AKAIN1: variants seen among roughly 807,000 people sequenced by gnomAD.
AKAIN1 encodes the protein A-kinase anchor protein inhibitor 1.
In AKAIN1, 3 loss-of-function variants were observed where a neutral mutation model predicts 3.7. The observed-to-expected ratio is 0.82, with a 90% CI of 0.37 to 2.12. The LOEUF is 2.12. AKAIN1 is among the 30% of genes most tolerant of loss of function. The pLI is 0.06. For missense variants in AKAIN1, 82 were observed against 82.7 expected, an observed-to-expected ratio of 0.99 and a Z score of 0.03; for synonymous variants, 31 against 30.8, an observed-to-expected ratio of 1.01 and a Z score of -0.02.
Position 5,192,441 on chromosome 18 carries a change from C to CTTTCT in AKAIN1, c.16+4592_16+4596dup, listed in dbSNP as rs1555611455. 3.3e-3 allele frequency among the ~76,000 whole-genome samples: 340 copies of CTTTCT among 101,504 alleles called. 7 individuals are homozygous for CTTTCT. In the East Asian group the frequency reaches 0.042, roughly 13 times the overall value. 66.6% of individuals were successfully genotyped at this position (101,504 alleles called of 152,430 possible). A position where few individuals can be genotyped will look rare whatever the true frequency, so the allele number is the denominator to read the frequency against. On this transcript the variant is annotated intron_variant, in intron 1 of 1. Coordinates refer to ENST00000434239, the MANE Select transcript of AKAIN1 (RefSeq NM_001145194.2). The stretch of plus-strand genomic sequence containing the variant: ...TCTTTCTTTCTTTCTTTCTTTCTTT[C>CTTTCT]TTTCTTTTTCTTTTCTTTGGTAGAG...
chr18:5,154,216 TAA>T (rs1310838968), intron 1 of AKAIN1, among the ~76,000 whole-genome samples: 1 of 152,114 alleles, frequency 6.6e-6, no homozygotes, highest in African/African-American at 2.4e-5. Flanking sequence ...TGGGCTACAT[TAA>T]AATAATTGGT....
At chr18:5,195,130 C>A (rs1211375640) in intron 1 of AKAIN1, among the ~76,000 whole-genome samples, 1 of 141,054 alleles carries the variant, frequency 7.1e-6, no homozygotes, top group African/African-American at 2.6e-5. Flanking sequence ...AAGAGAACCC[C>A]AAAATTGAAG....
At chr18:5,161,347 G>A (rs365266) in intron 1 of AKAIN1, among the ~76,000 whole-genome samples, 89,782 of 151,802 alleles carry the variant, frequency 0.59, 27,239 homozygotes, top group African/African-American at 0.73. Flanking sequence ...TATTGTTAAT[G>A]TATAGAAATG....
chr18:5,187,237 C>T (rs1201711458), intron 1 of AKAIN1, among the ~76,000 whole-genome samples: 1 of 152,014 alleles, frequency 6.6e-6, no homozygotes, highest in Non-Finnish European at 1.5e-5. Flanking sequence ...ATCAATGAAA[C>T]TAAGAGATGT....
At chr18:5,192,537 G>A (rs2071327716) in intron 1 of AKAIN1, among the ~76,000 whole-genome samples, 3 of 151,764 alleles carry the variant, frequency 2.0e-5, no homozygotes, top group Non-Finnish European at 4.4e-5. Context: ...AAGTATTGGG[G>A]TTACAGAAGG....
At chr18:5,163,088 A>G (rs1598308288) in intron 1 of AKAIN1, among the ~76,000 whole-genome samples, 2 of 152,014 alleles carry the variant, frequency 1.3e-5, no homozygotes, top group Non-Finnish European at 2.9e-5. Flanking sequence ...CTGTTCTTCA[A>G]TGCTAACTTC....
intron 1 of AKAIN1, among the ~76,000 whole-genome samples, chr18:5,188,306 C>T (rs1456586369): frequency 6.6e-6 from 1 of 152,012 alleles, no homozygotes; most frequent in Non-Finnish European, 1.5e-5. Flanking sequence ...GGCCTCACTT[C>T]CATGGATCCA....
chr18:5,188,498 C>T (rs2071300348), intron 1 of AKAIN1, among the ~76,000 whole-genome samples: 2 of 151,996 alleles, frequency 1.3e-5, no homozygotes, highest in South Asian at 4.2e-4. Flanking sequence ...TGCAACTCTT[C>T]TCTGTGCCAC....
At chr18:5,196,026 TAA>T (rs141609064) in intron 1 of AKAIN1, among the ~76,000 whole-genome samples, 2 of 151,070 alleles carry the variant, frequency 1.3e-5, no homozygotes, top group East Asian at 1.9e-4. Flanking sequence ...TTCTTCCCTT[TAA>T]AAAAAAATGC....
chr18:5,163,987 T>C (rs1023566547), intron 1 of AKAIN1, among the ~76,000 whole-genome samples: 2 of 152,060 alleles, frequency 1.3e-5, no homozygotes, highest in Admixed American at 1.3e-4. Context: ...ATTATGCCTT[T>C]GTAGAAAACT....
Position 5,165,315 on chromosome 18 carries a change from T to C in AKAIN1, c.17-19560A>G, listed in dbSNP as rs149675338. ...TACCGACTCTAACCCATGCTTAACT[T>C]GTAATTGGAGAGTGGCAAGGTCTGC... On this transcript the variant is annotated intron_variant, in intron 1 of 1. Transcript: ENST00000434239. 2.0e-5 allele frequency among the ~76,000 whole-genome samples: 3 copies of C among 152,034 alleles called. No individual in the cohort carries two copies. The East Asian group carries it at 5.8e-4, about 29-fold the overall frequency.
chr18:5,197,225 T>A lies in AKAIN1; in HGVS notation c.-172A>T, dbSNP rs2071354305. 3.6e-6 allele frequency: 5 copies of A among 1,387,080 alleles called. No individual in the cohort carries two copies. The highest frequency in any genetic ancestry group is 1.5e-5 in the African/African-American group (1 of 65,082). The allele number at this position is 1,387,080 out of a possible 1,614,324, so 85.9% of individuals were successfully genotyped here. ...CGCCGCTAGATCCTGGGGCCGCAGC[T>A]CCAGCCGCCGCCGCGCGCTCTGCCT... On this transcript the variant is annotated 5_prime_UTR_variant, in exon 1 of 2. Transcript: ENST00000434239. The surrounding 1 kb of genome is among the most constrained non-coding windows in gnomAD (Gnocchi z 6.9).
intron 1 of AKAIN1, among the ~76,000 whole-genome samples, chr18:5,166,563 TC>T (rs1490137242): frequency 2.0e-5 from 3 of 152,046 alleles, no homozygotes; most frequent in African/African-American, 4.8e-5. Flanking sequence ...ATAAGAACCA[TC>T]TTTAAAGAAC....
At chr18:5,157,423 T>A (rs993750892) in intron 1 of AKAIN1, among the ~76,000 whole-genome samples, 9 of 152,174 alleles carry the variant, frequency 5.9e-5, no homozygotes, top group African/African-American at 2.2e-4. Flanking sequence ...AAAATGTAAA[T>A]CCAATCTGTC....
intron 1 of AKAIN1, among the ~76,000 whole-genome samples, chr18:5,151,588 A>T (rs956468424): frequency 6.6e-6 from 1 of 152,242 alleles, no homozygotes; most frequent in Non-Finnish European, 1.5e-5. Context: ...CAGCAGGCAT[A>T]GGACATTTCT....
chr18:5,172,721 TA>T (rs1036229085), intron 1 of AKAIN1, among the ~76,000 whole-genome samples: 1 of 151,684 alleles, frequency 6.6e-6, no homozygotes, highest in African/African-American at 2.4e-5. Context: ...TAAAAATATA[TA>T]AAAAATTGAA....
chr18:5,171,699 G>T (rs574261026), intron 1 of AKAIN1, among the ~76,000 whole-genome samples: 1 of 152,152 alleles, frequency 6.6e-6, no homozygotes, highest in Non-Finnish European at 1.5e-5. Context: ...ACAAATGCTG[G>T]CAAGGATGTG....
At chr18:5,197,325 G>A, upstream of AKAIN1, 1 of 1,313,314 alleles carries the variant, frequency 7.6e-7, no homozygotes, top group Non-Finnish European at 9.7e-7. The surrounding 1 kb of genome is among the most constrained non-coding windows in gnomAD (Gnocchi z 6.9). Context: ...TCCTGTGCCA[G>A]CTCGGCGACG....
intron 1 of AKAIN1, chr18:5,163,635 T>C (rs942928438): frequency 6.6e-6 from 1 of 152,052 alleles, no homozygotes; most frequent in Non-Finnish European, 1.5e-5. Context: ...CCCCCATATA[T>C]GCTTGAAATT....
Sources: allele counts gnomAD v4.1 joint callset (sites outside exome capture counted in the v4.1 genomes callset), GRCh38; gene constraint gnomAD v4.1.1; non-coding constraint Gnocchi (gnomAD v3.1); transcripts MANE v1.5; gene names NCBI Gene and HGNC (gene_info 2026-07-23, HGNC 2026-07-21).